LONP2: variants seen among roughly 807,000 people sequenced by gnomAD.
LONP2 encodes lon peptidase 2, peroxisomal.
LONP2 carries 60 observed loss-of-function variants against 85.6 expected under a neutral mutation model. The ratio of observed to expected loss-of-function variants is 0.70; its 90% CI spans 0.57 to 0.87. The LOEUF is 0.87. Ranked by LOEUF, LONP2 falls within the 40% of genes least tolerant of loss-of-function variation. LONP2 has a pLI of 0.00. For missense variants in LONP2, 860 were observed against 1,063.5 expected, an observed-to-expected ratio of 0.81 and a Z score of 2.66; for synonymous variants, 395 against 389.7, an observed-to-expected ratio of 1.01 and a Z score of -0.16.
intron 11 of LONP2, among the ~76,000 whole-genome samples, chr16:48,322,611 G>A (rs1973289946): frequency 6.6e-6 from 1 of 152,138 alleles, no homozygotes; most frequent in South Asian, 2.1e-4. Flanking sequence ...ACGATAGTGT[G>A]TGCCTGTAGT....
chr16:48,351,827 T>G lies in LONP2; in HGVS notation c.*25T>G. On this transcript the variant is annotated 3_prime_UTR_variant, in exon 15 of 15. Coordinates refer to ENST00000285737, the MANE Select transcript of LONP2 (RefSeq NM_031490.5). ...GGTCCAAATCTCAATTTTTTAGAAT[T>G]TTAAGTTATGAAGTGCTCAAAGGTA... 1 of 1,597,538 alleles carries G rather than the reference T, an allele frequency of 6.3e-7. No homozygotes were observed. Among genetic ancestry groups the G allele is most frequent in the South Asian group, 1.1e-5 (1 of 90,698 alleles).
At chr16:48,342,692 C>T (rs1255037265) in intron 12 of LONP2, among the ~76,000 whole-genome samples, 2 of 152,228 alleles carry the variant, frequency 1.3e-5, no homozygotes, top group Non-Finnish European at 2.9e-5. Context: ...CTGAATGCTA[C>T]TGAAACAAAT....
intron 11 of LONP2, among the ~76,000 whole-genome samples, chr16:48,306,450 T>C (rs1972913433): frequency 6.6e-6 from 1 of 152,214 alleles, no homozygotes; most frequent in African/African-American, 2.4e-5. Context: ...TTTATTTGTG[T>C]GGTTTTTAAA....
chr16:48,319,887 G>C (rs776072081), intron 11 of LONP2, among the ~76,000 whole-genome samples: 4 of 152,088 alleles, frequency 2.6e-5, no homozygotes, highest in Non-Finnish European at 5.9e-5. Flanking sequence ...TTTTGGCCAG[G>C]CGTGGTGGCT....
intron 11 of LONP2, among the ~76,000 whole-genome samples, chr16:48,322,173 T>C (rs1973279446): frequency 6.6e-6 from 1 of 152,080 alleles, no homozygotes; most frequent in Non-Finnish European, 1.5e-5. Flanking sequence ...TTTTACCCCA[T>C]TTATGCCTAG....
At position 48,296,034 on chromosome 16, in the gene LONP2, A is replaced by G; in HGVS notation, c.1403A>G (p.Asn468Ser). 1 of 1,614,118 alleles carries G rather than the reference A, an allele frequency of 6.2e-7. No homozygotes were observed. Among genetic ancestry groups the G allele is most frequent in the Non-Finnish European group, 8.5e-7 (1 of 1,180,014 alleles). The change falls in exon 9 of 15, where the codon AAC becomes AGC. Residue 468 changes from asparagine (N) to serine (S), a missense_variant. Asn to Ser is a conservative substitution (Grantham distance 46). Coordinates refer to ENST00000285737, the MANE Select transcript of LONP2 (RefSeq NM_031490.5). ...ALLEVLDPEQ[N>S]HNFTDHYLNV... is the part of the protein sequence containing the mutation. ...CCCTAGGTGTTGGATCCTGAACAAA[A>G]CCATAACTTCACAGATCATTATCTA...
intron 6 of LONP2, among the ~76,000 whole-genome samples, chr16:48,265,077 C>T (rs541503189): frequency 1.3e-5 from 2 of 152,190 alleles, no homozygotes; most frequent in Non-Finnish European, 2.9e-5. Context: ...GATTTTTTGC[C>T]GTTAAGTTTC....
At chr16:48,337,174 C>T (rs1191865317) in intron 12 of LONP2, among the ~76,000 whole-genome samples, 2 of 152,236 alleles carry the variant, frequency 1.3e-5, no homozygotes, top group Non-Finnish European at 2.9e-5. Flanking sequence ...CTCAGATCAG[C>T]TTATTCCAAG....
intron 12 of LONP2, chr16:48,336,454 CAG>C: frequency 2.2e-6 from 1 of 456,114 alleles, no homozygotes; most frequent in Non-Finnish European, 4.4e-6. Context: ...GACCACCAAA[CAG>C]GCTTTGTGTG....
At chr16:48,280,927 C>T (rs13331250) in intron 8 of LONP2, among the ~76,000 whole-genome samples, 31,559 of 152,100 alleles carry the variant, frequency 0.21, 4,027 homozygotes, top group African/African-American at 0.36. Flanking sequence ...CCACTTGCTG[C>T]TTCCATTGCC....
chr16:48,300,235 A>C (rs1288139903), intron 10 of LONP2, among the ~76,000 whole-genome samples: 1 of 152,200 alleles, frequency 6.6e-6, no homozygotes, highest in Non-Finnish European at 1.5e-5. Context: ...TAAGTTACTC[A>C]CTTTTCTTTT....
chr16:48,361,566 G>A, downstream of LONP2: 2 of 1,609,014 alleles, frequency 1.2e-6, no homozygotes, highest in Non-Finnish European at 1.7e-6. Flanking sequence ...GCCAGAAAAT[G>A]TTTGATTGCC....
intron 11 of LONP2, among the ~76,000 whole-genome samples, chr16:48,328,774 G>T (rs185388889): frequency 6.7e-6 from 1 of 150,144 alleles, no homozygotes; most frequent in Admixed American, 6.6e-5. Context: ...GAACACAGAC[G>T]GCAGAGGTTG....
Position 48,348,266 on chromosome 16 carries a change from T to TA in LONP2, c.2314dup (p.Thr772AsnfsTer13). The TA allele has an allele frequency of 1.9e-6, 3 of 1,542,092 alleles. No individual in the cohort carries two copies. The highest frequency in any genetic ancestry group is 2.6e-6 in the Non-Finnish European group (3 of 1,146,164). On this transcript the variant is annotated frameshift_variant, in exon 14 of 15. Coordinates refer to ENST00000285737, the MANE Select transcript of LONP2 (RefSeq NM_031490.5). LOFTEE classifies it high-confidence loss of function. Reference sequence around the variant, plus strand: ...CAGATGTAGCCATGACTGGAGAAATTACACTGAGAGGTCTTGTTCTTCCAG... The same window carrying TA: ...CAGATGTAGCCATGACTGGAGAAATTAACACTGAGAGGTCTTGTTCTTCCAG...
chr16:48,312,098 G>A (rs1973044560), intron 11 of LONP2, among the ~76,000 whole-genome samples: 1 of 151,764 alleles, frequency 6.6e-6, no homozygotes, highest in South Asian at 2.1e-4. Flanking sequence ...GCGTTACCAT[G>A]CCTGGCTAAT....
chr16:48,260,673 C>T (rs559414347), intron 4 of LONP2, among the ~76,000 whole-genome samples: 221 of 152,272 alleles, frequency 1.5e-3, no homozygotes, highest in African/African-American at 5.0e-3. Flanking sequence ...GTTGTTTATT[C>T]ATGAATTTCA....
intron 11 of LONP2, among the ~76,000 whole-genome samples, chr16:48,323,808 T>G (rs1375245615): frequency 6.6e-6 from 1 of 152,114 alleles, no homozygotes; most frequent in Non-Finnish European, 1.5e-5. Context: ...ACCCCCAAAA[T>G]AATGAAGAAA....
At chr16:48,265,797 A>G (rs58068024) in intron 6 of LONP2, among the ~76,000 whole-genome samples, 2,081 of 152,194 alleles carry the variant, frequency 0.014, 48 homozygotes, top group African/African-American at 0.047. Context: ...TGAACTTGTA[A>G]ATTGCTTTGA....
chr16:48,344,310 A>G (rs1435566568), intron 12 of LONP2: 1 of 152,216 alleles, frequency 6.6e-6, no homozygotes, highest in African/African-American at 2.4e-5. Flanking sequence ...TTTGCTTCTT[A>G]GATAACTACT....
Sources: gnomAD v4.1 joint callset for allele counts (sites outside exome capture counted in the v4.1 genomes callset) on GRCh38, gnomAD v4.1.1 for gene constraint, MANE v1.5 for transcripts, NCBI Gene and HGNC (gene_info 2026-07-23, HGNC 2026-07-21) for gene names.